Variants in RABGAP1L observed in about 807,000 individuals in gnomAD.
The protein encoded by RABGAP1L is rab GTPase-activating protein 1-like.
Under a neutral mutation model 137.7 loss-of-function variants are expected in RABGAP1L, and 63 were observed. The observed-to-expected ratio is 0.46, with a 90% CI of 0.37 to 0.56. The LOEUF (loss-of-function observed/expected upper bound fraction) is 0.56, where lower values mean the gene tolerates loss of function less well. RABGAP1L is among the 20% of genes least tolerant of loss of function. The pLI is 0.00. For missense variants in RABGAP1L, 1,095 were observed against 1,244.0 expected (o/e 0.88, Z 1.80); for synonymous variants, 431 against 433.7 (o/e 0.99, Z 0.08).
chr1:174,205,566 A>G (rs1668450938), intron 1 of RABGAP1L, among the ~76,000 whole-genome samples: 1 of 151,918 alleles, frequency 6.6e-6, no homozygotes, highest in Non-Finnish European at 1.5e-5. Context: ...TCTAGTTTGT[A>G]TGCATAGAGG....
intron 13 of RABGAP1L, among the ~76,000 whole-genome samples, chr1:174,459,828 C>A (rs556162794): frequency 6.6e-6 from 1 of 151,968 alleles, no homozygotes; most frequent in Non-Finnish European, 1.5e-5. Context: ...TCATTAGAAC[C>A]CATATAGTCA....
chr1:174,752,615 A>G (rs569867196), intron 18 of RABGAP1L, among the ~76,000 whole-genome samples: 1 of 152,138 alleles, frequency 6.6e-6, no homozygotes, highest in Admixed American at 6.5e-5. Flanking sequence ...ATATCTTTTT[A>G]TCATATGAAT....
intron 7 of RABGAP1L, among the ~76,000 whole-genome samples, chr1:174,265,460 T>C (rs1211488745): frequency 6.7e-6 from 1 of 150,196 alleles, no homozygotes; most frequent in Non-Finnish European, 1.5e-5. Context: ...GGTGGGAGGA[T>C]GGCTTGAATC....
At chr1:174,647,805 G>A (rs1675110481) in intron 14 of RABGAP1L, among the ~76,000 whole-genome samples, 1 of 152,034 alleles carries the variant, frequency 6.6e-6, no homozygotes, top group South Asian at 2.1e-4. Flanking sequence ...TTGTACCTCT[G>A]GTAGAATTCA....
chr1:174,804,274 G>GTTTTTTTTTTTT (rs1553254972), intron 18 of RABGAP1L, among the ~76,000 whole-genome samples: 2 of 138,154 alleles, frequency 1.4e-5, no homozygotes, highest in East Asian at 2.2e-4. Context: ...GTTTTGTTTT[G>GTTTTTTTTTTTT]TTTTTTGTTT....
At chr1:174,176,713 GAAAAAAAAAAA>G (rs71563251) in intron 1 of RABGAP1L, among the ~76,000 whole-genome samples, 9 of 21,548 alleles carry the variant, frequency 4.2e-4, no homozygotes, top group African/African-American at 1.2e-3. Context: ...CCCTTTTTCA[GAAAAAAAAAAA>G]AAAAAAAAAA....
intron 13 of RABGAP1L, among the ~76,000 whole-genome samples, chr1:174,403,581 C>G (rs1218282675): frequency 6.6e-6 from 1 of 152,012 alleles, no homozygotes; most frequent in Non-Finnish European, 1.5e-5. Context: ...AGTAAGTACT[C>G]ATGATTAGCT....
chr1:174,978,162 G>T (rs1430447274), intron 22 of RABGAP1L, among the ~76,000 whole-genome samples: 4 of 152,086 alleles, frequency 2.6e-5, no homozygotes, highest in African/African-American at 7.2e-5. Context: ...TTCTAGAGCT[G>T]CTGGGCCACA....
chr1:174,532,539 A>T (rs747015360), intron 13 of RABGAP1L, among the ~76,000 whole-genome samples: 2 of 152,132 alleles, frequency 1.3e-5, no homozygotes, highest in Non-Finnish European at 2.9e-5. Context: ...ATTGATAAAT[A>T]TTGAGAGTAT....
At chr1:174,798,760 T>G (rs1688472352) in intron 18 of RABGAP1L, among the ~76,000 whole-genome samples, 1 of 152,222 alleles carries the variant, frequency 6.6e-6, no homozygotes, top group Non-Finnish European at 1.5e-5. Flanking sequence ...TTGTTTCTCT[T>G]TGTACCATGC....
intron 7 of RABGAP1L, among the ~76,000 whole-genome samples, chr1:174,259,269 TG>T (rs1289330374): frequency 1.3e-5 from 2 of 152,208 alleles, no homozygotes; most frequent in African/African-American, 2.4e-5. Flanking sequence ...TCTACTATAG[TG>T]CTTGGAATAC....
chr1:174,299,278 C>T (rs1677430400), intron 10 of RABGAP1L, among the ~76,000 whole-genome samples: 1 of 152,270 alleles, frequency 6.6e-6, no homozygotes, highest in East Asian at 1.9e-4. Flanking sequence ...GTGATTCTCT[C>T]CTCTTAGGGT....
chr1:174,652,743 G>A (rs762837338), intron 14 of RABGAP1L, among the ~76,000 whole-genome samples: 1 of 152,146 alleles, frequency 6.6e-6, no homozygotes, highest in African/African-American at 2.4e-5. Context: ...GACCCCTGCT[G>A]GGAGGTGTCC....
intron 19 of RABGAP1L, among the ~76,000 whole-genome samples, chr1:174,839,416 T>G (rs984188818): frequency 2.0e-5 from 3 of 152,218 alleles, no homozygotes; most frequent in African/African-American, 7.2e-5. Context: ...TTTATACAGC[T>G]GTTCTATGAG....
chr1:174,871,882 A>G (rs1652263563), intron 19 of RABGAP1L, among the ~76,000 whole-genome samples: 1 of 152,204 alleles, frequency 6.6e-6, no homozygotes, highest in Admixed American at 6.5e-5. Flanking sequence ...AGTGATAACA[A>G]ATATCGGTGA....
intron 18 of RABGAP1L, among the ~76,000 whole-genome samples, chr1:174,772,988 TA>T (rs1276634253): frequency 6.6e-6 from 1 of 152,212 alleles, no homozygotes. Context: ...TTACTGTTAA[TA>T]CTGTATTGAC....
intron 17 of RABGAP1L, among the ~76,000 whole-genome samples, chr1:174,746,624 A>G (rs1421742087): frequency 6.6e-6 from 1 of 152,252 alleles, no homozygotes; most frequent in African/African-American, 2.4e-5. Context: ...GACACATTAA[A>G]TAATATCCAA....
chr1:174,880,064 CAAAAAAAAAAAAAGGA>C (rs1653905284), intron 19 of RABGAP1L, among the ~76,000 whole-genome samples: 1 of 127,974 alleles, frequency 7.8e-6, no homozygotes, highest in African/African-American at 2.8e-5. Flanking sequence ...GACTCTGTCT[CAAAAAAAAAAAAAGGA>C]AAAAAAAACA....
At chr1:174,191,187 A>G (rs1323338080) in intron 1 of RABGAP1L, among the ~76,000 whole-genome samples, 1 of 152,184 alleles carries the variant, frequency 6.6e-6, no homozygotes, top group East Asian at 1.9e-4. Flanking sequence ...AAAATTTCTT[A>G]AATTCTGTGT....
Sources: gnomAD v4.1 joint callset for allele counts (sites outside exome capture counted in the v4.1 genomes callset) on GRCh38, gnomAD v4.1.1 for gene constraint, MANE v1.5 for transcripts, NCBI Gene and HGNC (gene_info 2026-07-23, HGNC 2026-07-21) for gene names.